GYPB: variants seen among roughly 807,000 people sequenced by gnomAD.
GYPB encodes glycophorin-B.
GYPB carries 13 observed loss-of-function variants against 15.3 expected under a neutral mutation model. That is an observed-to-expected ratio of 0.85 (90% CI 0.55 to 1.35). The LOEUF (loss-of-function observed/expected upper bound fraction) is 1.35. Ranked by LOEUF, GYPB falls within the 40% of genes most tolerant of loss-of-function variation. The pLI is 0.00. For synonymous variants in GYPB, 38 were observed against 36.9 expected, an observed-to-expected ratio of 1.03 and a Z score of -0.11; for missense variants, 131 against 108.3, an observed-to-expected ratio of 1.21 and a Z score of -0.93.
In GYPB at chr4:144,001,194, G is replaced by A. The variant is rs371220494; in HGVS notation, c.127C>T (p.Gln43Ter). The A allele has an allele frequency of 3.7e-6, 6 of 1,612,782 alleles. No individual in the cohort carries two copies. Among genetic ancestry groups the A allele is most frequent in the African/African-American group, 2.7e-5 (2 of 73,992 alleles). The stretch of plus-strand genomic sequence containing the variant: ...AAAAATGAAAACAAACCATTTGTCT[G>A]TGATGAGATGTAACTCTTTGTGACT... ...SSVTKSYISS[Q>*]TNGETGQLVH... Residue 43 changes from glutamine (Q) to a stop codon, truncating the protein, a stop_gained, in exon 2 of 5, where the codon CAG becomes TAG. Coordinates refer to ENST00000502664, the MANE Select transcript of GYPB (RefSeq NM_002100.6). LOFTEE classifies it high-confidence loss of function.
intron 4 of GYPB, among the ~76,000 whole-genome samples, chr4:143,996,754 A>T (rs182776483): frequency 6.9e-6 from 1 of 144,954 alleles, no homozygotes; most frequent in Admixed American, 6.9e-5. Flanking sequence ...CCTGGGTGAC[A>T]GAGGGAAACT....
rs1319527150 is a variant in GYPB at position 144,007,678 on chromosome 4, A to C, written c.38-6395T>G. On this transcript the variant is annotated intron_variant, in intron 1 of 4. Transcript: ENST00000502664. ...CAGTGGGAAAGGAGAGCAGAGTTCTATTCCTGGCTTTGCCATCAAATGGTT... is the reference window on the plus strand; with the variant it reads ...CAGTGGGAAAGGAGAGCAGAGTTCTCTTCCTGGCTTTGCCATCAAATGGTT... Among the ~76,000 whole-genome samples the C allele has an allele frequency of 3.9e-4, 59 of 151,244 alleles. 1 individual carries two copies. The East Asian group carries it at 5.2e-3, about 13-fold the overall frequency.
At position 143,997,610 on chromosome 4, in the gene GYPB, A is replaced by G; in HGVS notation, c.200T>C (p.Ile67Thr). 6.3e-7 allele frequency: 1 copy of G among 1,588,508 alleles called. No individual in the cohort carries two copies. Among genetic ancestry groups the G allele is most frequent in the Non-Finnish European group, 8.6e-7 (1 of 1,159,022 alleles). ...AATAATACCAGCCATCACACACAAA[A>G]TAATGAGTATTATCACTACAGGAGC... ...VPAPVVIILI[I>T]LCVMAGIIGT... The change falls in exon 4 of 5, where the codon ATT (isoleucine) becomes ACT (threonine). Residue 67 changes from isoleucine to threonine, a missense_variant. Physicochemically the swap from Ile to Thr is moderately conservative, Grantham distance 89. Transcript: ENST00000502664.
intron 1 of GYPB, 89 bp from the exon 2 acceptor site, chr4:144,001,372 A>T (rs1484087243): frequency 6.2e-7 from 1 of 1,603,422 alleles, no homozygotes; most frequent in East Asian, 2.2e-5. Flanking sequence ...TTCCTCTCAC[A>T]TCCCTCCAGT....
rs1455052470 is a variant in GYPB at position 143,997,572 on chromosome 4, A to G, written c.238T>C (p.Leu80=). 1 of 1,600,872 alleles carries G rather than the reference A, an allele frequency of 6.2e-7. No individual in the cohort carries two copies. Among genetic ancestry groups the G allele is most frequent in the Non-Finnish European group, 8.5e-7 (1 of 1,170,184 alleles). ...AGTCGGCGAATACTGTAAGAAATTA[A>G]GAGGATCGTTCCAATAATACCAGCC... ...VMAGIIGTIL[L]ISYSIRRLIK... The change falls in exon 4 of 5, where the codon TTA becomes CTA. Residue 80 remains leucine (L), a synonymous_variant. Coordinates refer to ENST00000502664, the MANE Select transcript of GYPB (RefSeq NM_002100.6).
intron 3 of GYPB, 83 bp from the exon 4 acceptor site, chr4:143,997,717 A>G: frequency 8.0e-6 from 6 of 748,964 alleles, no homozygotes; most frequent in Middle Eastern, 2.3e-4. Flanking sequence ...CATCAGCATA[A>G]CATCACCTTG....
At chr4:144,008,887 C>T (rs1167115594) in intron 1 of GYPB, among the ~76,000 whole-genome samples, 2 of 151,366 alleles carry the variant, frequency 1.3e-5, no homozygotes, top group South Asian at 4.2e-4. Context: ...AACAACTGCT[C>T]CAGTTGGTAA....
At chr4:144,011,988 G>T (rs188072036) in intron 1 of GYPB, among the ~76,000 whole-genome samples, 153 of 152,214 alleles carry the variant, frequency 1.0e-3, no homozygotes, top group African/African-American at 3.5e-3. Flanking sequence ...TTCTATTTTG[G>T]TTTTTAAAAA....
chr4:144,015,818 T>G (rs1403594767), intron 1 of GYPB, among the ~76,000 whole-genome samples: 3 of 151,134 alleles, frequency 2.0e-5, no homozygotes, highest in Non-Finnish European at 4.4e-5. Context: ...TTATTGGGGT[T>G]TACAGATGAA....
At chr4:143,999,679 A>T (rs2875026) in intron 2 of GYPB, among the ~76,000 whole-genome samples, 27,538 of 151,326 alleles carry the variant, frequency 0.18, 3,077 homozygotes, top group South Asian at 0.32. Context: ...ATGGATGAGA[A>T]ATAAGCAAAT....
downstream of GYPB, chr4:143,996,066 A>C: frequency 8.2e-7 from 1 of 1,221,108 alleles, no homozygotes; most frequent in Non-Finnish European, 1.1e-6. Flanking sequence ...CATTTTAAAC[A>C]TAGCTTGAAA....
chr4:143,996,277 A>T lies in GYPB; in HGVS notation c.*22T>A, dbSNP rs1235763533. The T allele has an allele frequency of 6.4e-7, 1 of 1,550,892 alleles. No homozygotes were observed. The highest frequency in any genetic ancestry group is 8.7e-7 in the Non-Finnish European group (1 of 1,147,156). ...GGTGCAGCCGGTTCTAGGCAAGATCAGGCAGCATGCAGGCCACATCCTCAT... is the reference window on the plus strand; with the variant it reads ...GGTGCAGCCGGTTCTAGGCAAGATCTGGCAGCATGCAGGCCACATCCTCAT... On this transcript the variant is annotated 3_prime_UTR_variant, in exon 5 of 5. Transcript: ENST00000502664.
At chr4:143,997,420 A>G in intron 4 of GYPB, 120 bp downstream of exon 4, 2 of 652,550 alleles carry the variant, frequency 3.1e-6, no homozygotes, top group Non-Finnish European at 5.5e-6. Flanking sequence ...GTCCAGTTGA[A>G]AAAGATGGAA....
chr4:144,012,524 C>G (rs1284005312), intron 1 of GYPB: 4 of 148,372 alleles, frequency 2.7e-5, no homozygotes, highest in Non-Finnish European at 6.0e-5. Flanking sequence ...CCAAAACAAT[C>G]TTGAAGAAGA....
At chr4:144,002,417 G>A (rs1354939443) in intron 1 of GYPB, among the ~76,000 whole-genome samples, 1 of 151,522 alleles carries the variant, frequency 6.6e-6, no homozygotes, top group Non-Finnish European at 1.5e-5. Context: ...ATTCTTCTAT[G>A]AGAAGATTTT....
chr4:144,000,523 G>A (rs1328293835), intron 2 of GYPB: 13 of 477,390 alleles, frequency 2.7e-5, no homozygotes, highest in Admixed American at 8.5e-5. Context: ...AGGTGACTGC[G>A]TGGACATACA....
chr4:144,016,247 G>C (rs1728494024), intron 1 of GYPB, among the ~76,000 whole-genome samples: 1 of 149,164 alleles, frequency 6.7e-6, no homozygotes. Flanking sequence ...GATGCACAGG[G>C]TAATAATGAT....
Position 144,001,319 on chromosome 4 carries a change from C to T in GYPB, c.38-36G>A, listed in dbSNP as rs560339904. On this transcript the variant is annotated intron_variant, in intron 1 of 4. Coordinates refer to ENST00000502664, the MANE Select transcript of GYPB (RefSeq NM_002100.6). ...TAGAAGTTGAGAAAGGGATTAAGAACGAGGTGACTGAGCAGACCATAAAGC... is the reference window on the plus strand; with the variant it reads ...TAGAAGTTGAGAAAGGGATTAAGAATGAGGTGACTGAGCAGACCATAAAGC... 138 of 1,612,516 alleles carry T rather than the reference C, an allele frequency of 8.6e-5. 2 individuals carry two copies. The highest frequency in any genetic ancestry group is 3.3e-4 in the South Asian group (30 of 91,060).
At chr4:144,004,886 T>C (rs544192234) in intron 1 of GYPB, among the ~76,000 whole-genome samples, 10 of 151,858 alleles carry the variant, frequency 6.6e-5, no homozygotes, top group South Asian at 2.1e-4. Flanking sequence ...GACTTTTTAC[T>C]ATAGCTATAT....
Sources: gnomAD v4.1 joint callset for allele counts (sites outside exome capture counted in the v4.1 genomes callset) on GRCh38, gnomAD v4.1.1 for gene constraint, MANE v1.5 for transcripts, NCBI Gene and HGNC (gene_info 2026-07-23, HGNC 2026-07-21) for gene names.